XKR9: variants seen among roughly 807,000 people sequenced by gnomAD.
XKR9 encodes the protein XK-related protein 9.
XKR9 carries 32 observed loss-of-function variants against 32.0 expected under a neutral mutation model. The observed-to-expected ratio is 1.00, with a 90% confidence interval of 0.76 to 1.34. The LOEUF is 1.34. Among genes scored for constraint, XKR9 ranks in the 40% most tolerant of loss-of-function variants. XKR9 has a pLI of 0.00. For missense variants in XKR9, 546 were observed against 429.7 expected (o/e 1.27, Z -2.39); for synonymous variants, 168 against 143.4 (o/e 1.17, Z -1.22).
chr8:70,698,351 T>G (rs1176063098), intron 3 of XKR9, among the ~76,000 whole-genome samples: 1 of 152,180 alleles, frequency 6.6e-6, no homozygotes, highest in Non-Finnish European at 1.5e-5. Context: ...TACACACTGC[T>G]TTGAATGTGT....
At chr8:70,985,212 C>T in the XKR9 span, among the ~76,000 whole-genome samples, 1 of 152,126 alleles carries the variant, frequency 6.6e-6, no homozygotes, top group Non-Finnish European at 1.5e-5. Context: ...TCCTTGTGTC[C>T]ATGTATTCTC....
chr8:70,934,437 T>C, the XKR9 span, among the ~76,000 whole-genome samples: 1 of 152,052 alleles, frequency 6.6e-6, no homozygotes, highest in Non-Finnish European at 1.5e-5. Flanking sequence ...TGACAATCCA[T>C]TTCTGTAGGA....
the XKR9 span, among the ~76,000 whole-genome samples, chr8:70,846,310 T>G: frequency 6.6e-6 from 1 of 152,000 alleles, no homozygotes; most frequent in East Asian, 1.9e-4. Context: ...TAAGGGAGTC[T>G]TACAATGGGA....
chr8:70,847,245 T>C, the XKR9 span, among the ~76,000 whole-genome samples: 1 of 151,890 alleles, frequency 6.6e-6, no homozygotes, highest in Non-Finnish European at 1.5e-5. Context: ...GAATGACCAA[T>C]GGGTCAATGA....
At chr8:70,868,552 G>C in the XKR9 span, among the ~76,000 whole-genome samples, 1 of 152,024 alleles carries the variant, frequency 6.6e-6, no homozygotes, top group Non-Finnish European at 1.5e-5. Flanking sequence ...GGGACACCAG[G>C]GCACCAAGTC....
the XKR9 span, among the ~76,000 whole-genome samples, chr8:70,863,925 A>G: frequency 2.6e-5 from 4 of 152,156 alleles, no homozygotes; most frequent in African/African-American, 9.6e-5. Context: ...CCACATAATG[A>G]TGCCTTTTTA....
the XKR9 span, among the ~76,000 whole-genome samples, chr8:70,849,646 A>G: frequency 1.3e-5 from 2 of 152,194 alleles, no homozygotes; most frequent in African/African-American, 4.8e-5. Flanking sequence ...AGAGACACAA[A>G]AAACCTTTCC....
the XKR9 span, among the ~76,000 whole-genome samples, chr8:70,875,714 G>A: frequency 1.3e-5 from 2 of 152,014 alleles, no homozygotes; most frequent in African/African-American, 4.8e-5. Context: ...GAATATATTT[G>A]GAATTATTAA....
At chr8:70,691,607 G>T (rs546441921) in intron 3 of XKR9, among the ~76,000 whole-genome samples, 8 of 152,256 alleles carry the variant, frequency 5.3e-5, no homozygotes, top group African/African-American at 2.4e-5. Context: ...TAAGGAAGAG[G>T]TCCAACTTCA....
At chr8:70,885,233 C>A in the XKR9 span, among the ~76,000 whole-genome samples, 1 of 152,046 alleles carries the variant, frequency 6.6e-6, no homozygotes, top group East Asian at 1.9e-4. Context: ...ACCTTGTATG[C>A]TGCAAACTTG....
the XKR9 span, among the ~76,000 whole-genome samples, chr8:70,927,309 G>A: frequency 6.6e-6 from 1 of 152,042 alleles, no homozygotes; most frequent in African/African-American, 2.4e-5. Context: ...TCCTGGGTGG[G>A]GATCGTCTTT....
At chr8:70,746,664 T>G (rs552983339) in intron 2 of XKR9, among the ~76,000 whole-genome samples, 1 of 152,120 alleles carries the variant, frequency 6.6e-6, no homozygotes, top group South Asian at 2.1e-4. Context: ...CTGCTGTTGC[T>G]GCACTTTAAA....
At chr8:70,863,424 C>T in the XKR9 span, among the ~76,000 whole-genome samples, 3 of 152,156 alleles carry the variant, frequency 2.0e-5, no homozygotes, top group Non-Finnish European at 4.4e-5. Context: ...TTCTCTCAAT[C>T]CTGTCACTGT....
chr8:70,856,073 T>C, the XKR9 span, among the ~76,000 whole-genome samples: 191 of 152,208 alleles, frequency 1.3e-3, no homozygotes, highest in African/African-American at 4.3e-3. Context: ...CATCAACTAA[T>C]GAGCAAAATA....
At chr8:70,823,245 A>G in the XKR9 span, among the ~76,000 whole-genome samples, 1 of 152,212 alleles carries the variant, frequency 6.6e-6, no homozygotes, top group Non-Finnish European at 1.5e-5. Context: ...TCTAGTTTTG[A>G]GAATTCTTTA....
At chr8:70,971,339 T>G in the XKR9 span, among the ~76,000 whole-genome samples, 1 of 152,148 alleles carries the variant, frequency 6.6e-6, no homozygotes, top group Non-Finnish European at 1.5e-5. Flanking sequence ...TTTTTTTGAG[T>G]TCTTTGTAGA....
the XKR9 span, among the ~76,000 whole-genome samples, chr8:70,795,603 T>C: frequency 6.6e-6 from 1 of 152,164 alleles, no homozygotes; most frequent in Non-Finnish European, 1.5e-5. Context: ...CCACCAACAG[T>C]GTATAAGTGT....
the XKR9 span, among the ~76,000 whole-genome samples, chr8:70,799,095 G>C: frequency 2.0e-5 from 3 of 152,204 alleles, no homozygotes; most frequent in East Asian, 5.8e-4. Context: ...GAATGTTATT[G>C]GTAGTTTGAT....
At chr8:70,977,366 T>C in the XKR9 span, among the ~76,000 whole-genome samples, 75 of 152,176 alleles carry the variant, frequency 4.9e-4, 1 homozygote, top group Admixed American at 8.5e-4. Context: ...TGTTTTCTCT[T>C]GCATTTCTCA....
Sources: gnomAD v4.1 joint callset for allele counts (sites outside exome capture counted in the v4.1 genomes callset) on GRCh38, gnomAD v4.1.1 for gene constraint, MANE v1.5 for transcripts, NCBI Gene and HGNC (gene_info 2026-07-23, HGNC 2026-07-21) for gene names.